TNRC18: variants seen among roughly 807,000 people sequenced by gnomAD.
The protein encoded by TNRC18 is trinucleotide repeat-containing gene 18 protein.
In TNRC18, 69 loss-of-function variants were observed where a neutral mutation model predicts 226.7. The ratio of observed to expected loss-of-function variants is 0.30; its 90% CI spans 0.25 to 0.37. The LOEUF (loss-of-function observed/expected upper bound fraction) is 0.37. Ranked by LOEUF, TNRC18 falls within the 10% of genes least tolerant of loss-of-function variation. The probability of loss-of-function intolerance (pLI) is 1.00; values close to 1 mark genes in which losing one functional copy is unlikely to be tolerated. For synonymous variants in TNRC18, 2,449 were observed against 1,927.6 expected (o/e 1.27, Z -7.09); for missense variants, 4,754 against 4,256.6 (o/e 1.12, Z -3.25).
In TNRC18 at chr7:5,318,812, A is replaced by G. The variant is rs532077021; in HGVS notation, c.6745+1506T>C. Among the ~76,000 whole-genome samples, 10 of 152,320 alleles carry G rather than the reference A, an allele frequency of 6.6e-5. No individual in the cohort carries two copies. In the East Asian group the frequency reaches 1.7e-3, roughly 26 times the overall value. On this transcript the variant is annotated intron_variant, in intron 24 of 29. Coordinates refer to ENST00000430969, the MANE Select transcript of TNRC18 (RefSeq NM_001080495.3). Reference sequence around the variant, plus strand: ...TCGTGAATTTATACCCAGCTCAACTATCTCTAAAGAATAAGGGTACCCAGC... The same window carrying G: ...TCGTGAATTTATACCCAGCTCAACTGTCTCTAAAGAATAAGGGTACCCAGC...
intron 2 of TNRC18, among the ~76,000 whole-genome samples, chr7:5,401,932 T>G (rs1055547390): frequency 6.6e-6 from 1 of 151,938 alleles, no homozygotes; most frequent in African/African-American, 2.4e-5. Context: ...TCCCAGCACT[T>G]TGGGAGGCCG....
intron 22 of TNRC18, 47 bp from the exon 23 acceptor site, chr7:5,320,654 C>A: frequency 6.5e-7 from 1 of 1,547,380 alleles, no homozygotes; most frequent in Non-Finnish European, 8.8e-7. Context: ...GAGACCTCCC[C>A]AGAGGGCCTC....
chr7:5,376,425 A>G (rs931055641), intron 8 of TNRC18, among the ~76,000 whole-genome samples: 5 of 152,092 alleles, frequency 3.3e-5, no homozygotes, highest in African/African-American at 1.2e-4. Flanking sequence ...GGCCCGGGGA[A>G]CACAGCCCTG....
chr7:5,421,679 G>A (rs1160109322), intron 1 of TNRC18, among the ~76,000 whole-genome samples, 190 bp from the exon 2 acceptor site: 3 of 152,188 alleles, frequency 2.0e-5, no homozygotes, highest in Non-Finnish European at 4.4e-5. Flanking sequence ...TCCTTCCGCC[G>A]GCGGCTTCAG....
chr7:5,323,530 C>T (rs1276694111), intron 21 of TNRC18, among the ~76,000 whole-genome samples: 11 of 151,242 alleles, frequency 7.3e-5, no homozygotes, highest in African/African-American at 2.2e-4. Flanking sequence ...CCCTGCCTTC[C>T]CTGGGGCCCC....
At position 5,308,074 on chromosome 7, in the gene TNRC18, G is replaced by A. The variant is rs528451587; in HGVS notation, c.*32C>T. On this transcript the variant is annotated 3_prime_UTR_variant, in exon 30 of 30. Transcript: ENST00000430969. ...TGGAGATGGGTCCCTGGCCGCCCTC[G>A]GGGCACAGGTGGCCCGCAGGGCCCG... 4.5e-4 allele frequency: 687 copies of A among 1,534,010 alleles called. 7 individuals carry two copies. The South Asian group carries it at 7.2e-3, about 16-fold the overall frequency.
intron 24 of TNRC18, chr7:5,320,008 G>C (rs975469319): frequency 1.3e-4 from 43 of 337,136 alleles, no homozygotes; most frequent in Middle Eastern, 9.8e-4. Flanking sequence ...ACTAGAACTT[G>C]TGTGGGAAAA....
chr7:5,315,985 C>T lies in TNRC18; in HGVS notation c.6833G>A (p.Arg2278His), dbSNP rs1166596074. Reference sequence around the variant, plus strand: ...TATCTTATAGTCAGGGGGCAGGAGGCGGATATGTGAGAGGGGGATCCTGCC... The same window carrying T: ...TATCTTATAGTCAGGGGGCAGGAGGTGGATATGTGAGAGGGGGATCCTGCC... ...DTGRIPLSHIRLLPPDYKIQC... is the reference protein window; with the variant it reads ...DTGRIPLSHIHLLPPDYKIQC... The change falls in exon 25 of 30, where the codon CGC (arginine) becomes CAC (histidine). Residue 2278 changes from arginine (R) to histidine (H), a missense_variant. By Grantham distance (29) the Arg-to-His change is conservative. Transcript: ENST00000430969. 5.6e-6 allele frequency: 9 copies of T among 1,598,316 alleles called. No homozygotes were observed. Among genetic ancestry groups the T allele is most frequent in the Non-Finnish European group, 6.0e-6 (7 of 1,173,128 alleles).
chr7:5,414,482 G>A (rs897223058), intron 2 of TNRC18, among the ~76,000 whole-genome samples: 14 of 151,374 alleles, frequency 9.2e-5, no homozygotes, highest in Non-Finnish European at 2.1e-4. Flanking sequence ...GCGCGATCTC[G>A]GCTCACTGCA....
chr7:5,405,146 G>A (rs995373807), intron 2 of TNRC18, among the ~76,000 whole-genome samples: 2 of 151,616 alleles, frequency 1.3e-5, no homozygotes, highest in African/African-American at 2.4e-5. Flanking sequence ...ACAGAAATTA[G>A]GCTGGGCACA....
intron 2 of TNRC18, among the ~76,000 whole-genome samples, chr7:5,405,414 C>G (rs181849278): frequency 6.6e-6 from 1 of 152,030 alleles, no homozygotes; most frequent in Non-Finnish European, 1.5e-5. Flanking sequence ...ACTAAACATA[C>G]AAAAATTAGC....
In TNRC18 at chr7:5,374,767, C is replaced by T. The variant is rs564736339; in HGVS notation, c.2800-283G>A. On this transcript the variant is annotated intron_variant, in intron 9 of 29. Coordinates refer to ENST00000430969, the MANE Select transcript of TNRC18 (RefSeq NM_001080495.3). Reference sequence around the variant, plus strand: ...GGCTGATGGGGGACCTCCACCAGGACCCCGGCCCTGCACGGACCCTCACAG... The same window carrying T: ...GGCTGATGGGGGACCTCCACCAGGATCCCGGCCCTGCACGGACCCTCACAG... Among the ~76,000 whole-genome samples, 42 of 152,234 alleles carry T rather than the reference C, an allele frequency of 2.8e-4. 2 individuals are homozygous for T. Among genetic ancestry groups the T allele is most frequent in the Non-Finnish European group, 7.3e-5 (5 of 68,034 alleles).
rs757190874 is a variant in TNRC18, at chr7:5,374,220, C to T, written c.3064G>A (p.Ala1022Thr). The T allele has an allele frequency of 4.8e-5, 71 of 1,487,850 alleles. 1 individual carries two copies. The South Asian group carries it at 5.0e-4, about 10-fold the overall frequency. 92.2% of individuals were successfully genotyped at this position (1,487,850 alleles called of 1,614,324 possible). The change falls in exon 10 of 30, where the codon GCC (alanine) becomes ACC (threonine). Residue 1022 changes from alanine (A) to threonine (T), a missense_variant. Ala to Thr is a moderately conservative substitution (Grantham distance 58). Transcript: ENST00000430969. ...LEDVSKPPAY[A>T]YPATPSSHPT... is the part of the protein sequence containing the mutation. ...TGGGAGCTGGGGGTGGCGGGGTAGG[C>T]GTAGGCGGGTGGCTTGGACACGTCC...
chr7:5,346,058 AGGGTGGGCTTCTGTGAG>A (rs1442835632), intron 17 of TNRC18, among the ~76,000 whole-genome samples: 1 of 152,228 alleles, frequency 6.6e-6, no homozygotes, highest in East Asian at 1.9e-4. Context: ...CTTGTGTGTC[AGGGTGGGCTTCTGTGAG>A]GGGCACCAAC....
intron 3 of TNRC18, among the ~76,000 whole-genome samples, chr7:5,392,633 G>A (rs4724665): frequency 0.61 from 93,247 of 151,776 alleles, 29,015 homozygotes; most frequent in East Asian, 0.87. Flanking sequence ...AAATAAATAA[G>A]TAAAATACAA....
chr7:5,388,827 A>C lies in TNRC18; in HGVS notation c.997T>G (p.Ser333Ala), dbSNP rs1226223002. 8.4e-7 allele frequency: 1 copy of C among 1,186,540 alleles called. No individual in the cohort carries two copies. The highest frequency in any genetic ancestry group is 1.0e-6 in the Non-Finnish European group (1 of 958,242). 73.5% of individuals were successfully genotyped at this position (1,186,540 alleles called of 1,614,324 possible). Reference sequence around the variant, plus strand: ...GGCGCGGGCGGCGGGGGCAGCGGTGAGGGGCAGGGGCGCGGCCCAGGGAGC... The same window carrying C: ...GGCGCGGGCGGCGGGGGCAGCGGTGCGGGGCAGGGGCGCGGCCCAGGGAGC... ...TLLPGPRPCP[S>A]PLPPPPAPPK... The change falls in exon 5 of 30, where the codon TCA becomes GCA. Residue 333 changes from serine to alanine, a missense_variant. By Grantham distance (99) the Ser-to-Ala change is moderately conservative. Coordinates refer to ENST00000430969, the MANE Select transcript of TNRC18 (RefSeq NM_001080495.3).
intron 5 of TNRC18, among the ~76,000 whole-genome samples, chr7:5,382,039 T>C (rs1319001451): frequency 6.6e-6 from 1 of 152,182 alleles, no homozygotes; most frequent in African/African-American, 2.4e-5. Context: ...AGGCTGTCCC[T>C]GTGCCCAGCA....
chr7:5,421,298 C>CA lies in TNRC18; in HGVS notation c.-53dup, dbSNP rs1477587942. The CA allele has an allele frequency of 2.4e-5, 30 of 1,240,010 alleles. No individual in the cohort carries two copies. The highest frequency in any genetic ancestry group is 1.3e-4 in the Admixed American group (3 of 23,540). The allele number at this position is 1,240,010 out of a possible 1,614,324, so 76.8% of individuals were successfully genotyped here. A position where few individuals can be genotyped will look rare whatever the true frequency, so the allele number is the denominator to read the frequency against. ...CCCCACCCGGCCCGCAGGCCTAGCTCAGTGGGACCTAAAAGTTCGGCCTCG... is the reference window on the plus strand; with the variant it reads ...CCCCACCCGGCCCGCAGGCCTAGCTCAAGTGGGACCTAAAAGTTCGGCCTCG... On this transcript the variant is annotated 5_prime_UTR_variant, in exon 2 of 30. It removes the in-frame stop codon of an upstream open reading frame in the 5' UTR. Transcript: ENST00000430969.
intron 18 of TNRC18, among the ~76,000 whole-genome samples, chr7:5,335,835 G>GAAAAAAAAAAAAAAAAAAAAAAAAAAAA (rs61412615): frequency 7.9e-6 from 1 of 126,814 alleles, no homozygotes; most frequent in Non-Finnish European, 1.6e-5. Context: ...ATATTCACTG[G>GAAAAAAAAAAAAAAAAAAAAAAAAAAAA]AAAAAAAAAA....
Sources: allele counts gnomAD v4.1 joint callset (sites outside exome capture counted in the v4.1 genomes callset), GRCh38; gene constraint gnomAD v4.1.1; transcripts MANE v1.5; gene names NCBI Gene and HGNC (gene_info 2026-07-23, HGNC 2026-07-21).